The following DNAH10 variants were observed in gnomAD, a reference collection of about 807,000 sequenced individuals.
DNAH10 encodes the protein dynein axonemal heavy chain 10.
DNAH10 carries 348 observed loss-of-function variants against 506.6 expected under a neutral mutation model. The ratio of observed to expected loss-of-function variants is 0.69; its 90% CI spans 0.63 to 0.75. The LOEUF is 0.75. Ranked by LOEUF, DNAH10 falls within the 30% of genes least tolerant of loss-of-function variation. DNAH10 has a pLI of 0.00. For synonymous variants in DNAH10, 2,059 were observed against 2,198.6 expected, an observed-to-expected ratio of 0.94 and a Z score of 1.78; for missense variants, 5,179 against 5,787.1, an observed-to-expected ratio of 0.89 and a Z score of 3.41.
At position 123,907,861 on chromosome 12, in the gene DNAH10, C is replaced by T. The variant is rs1032873958; in HGVS notation, c.9816-1400C>T. 1.3e-5 allele frequency among the ~76,000 whole-genome samples: 2 copies of T among 152,322 alleles called. No homozygotes were observed. Among genetic ancestry groups the T allele is most frequent in the South Asian group, 2.1e-4 (1 of 4,828 alleles). On this transcript the variant is annotated intron_variant, in intron 57 of 78. Coordinates refer to ENST00000673944, the MANE Select transcript of DNAH10 (RefSeq NM_001372106.1). This position sits in a 1 kb window ranked among gnomAD's most constrained non-coding sequence, Gnocchi z 4.4. ...ACACCAGCGTGATCGAGCCTTTTCC[C>T]GGGGACTCAGGGCCTTTCTTTCATC...
At chr12:123,918,612 C>T in intron 64 of DNAH10, 64 bp from the exon 65 acceptor site, 1 of 1,507,626 alleles carries the variant, frequency 6.6e-7, no homozygotes, top group Non-Finnish European at 8.9e-7. Context: ...GTCCCCCTGC[C>T]CCTCCTGCCC....
intron 43 of DNAH10, among the ~76,000 whole-genome samples, chr12:123,870,094 A>G (rs535074656): frequency 2.6e-5 from 4 of 152,314 alleles, no homozygotes; most frequent in African/African-American, 9.6e-5. Flanking sequence ...GTTAGTTGAA[A>G]ATACTCAGAA....
intron 52 of DNAH10, 34 bp downstream of exon 52, chr12:123,887,347 AC>A: frequency 6.2e-7 from 1 of 1,600,534 alleles, no homozygotes; most frequent in Non-Finnish European, 8.5e-7. Context: ...TGTGGCCAAC[AC>A]CCCGCTCAGC....
At chr12:123,831,532 CAAGG>C (rs1021192923) in intron 26 of DNAH10, among the ~76,000 whole-genome samples, 2 of 152,178 alleles carry the variant, frequency 1.3e-5, no homozygotes, top group African/African-American at 4.8e-5. Context: ...GCCTGTACAG[CAAGG>C]AACTACATTG....
At chr12:123,930,244 C>A in intron 72 of DNAH10, 158 bp from the exon 73 acceptor site, 1 of 645,192 alleles carries the variant, frequency 1.5e-6, no homozygotes, top group Non-Finnish European at 2.5e-6. Context: ...ATTGTGTGAA[C>A]AGTGGCCCGA....
Position 123,903,073 on chromosome 12 carries a change from G to A in DNAH10, c.9775G>A (p.Glu3259Lys), listed in dbSNP as rs762842800. 6 of 1,611,846 alleles carry A rather than the reference G, an allele frequency of 3.7e-6. No homozygotes were observed. Among genetic ancestry groups the A allele is most frequent in the Admixed American group, 1.7e-5 (1 of 59,784 alleles). Reference sequence around the variant, plus strand: ...GCCCATCCTGGAGGCCGCCAAGCTGGAACTGCAGAAGCTGGACAAGTCGGA... The same window carrying A: ...GCCCATCCTGGAGGCCGCCAAGCTGAAACTGCAGAAGCTGGACAAGTCGGA... ...VMPILEAAKL[E>K]LQKLDKSDVT... Residue 3259 changes from glutamate (E) to lysine (K), a missense_variant, in exon 57 of 79, where the codon GAA becomes AAA. Around this residue, in one of 3 missense-constraint regions of DNAH10, gnomAD observed 4,844 missense variants for 5,430.5 expected, o/e 0.89. Coordinates refer to ENST00000673944, the MANE Select transcript of DNAH10 (RefSeq NM_001372106.1). This position sits in a 1 kb window ranked among gnomAD's most constrained non-coding sequence, Gnocchi z 4.6.
At chr12:123,780,945 A>AG (rs1957623594) in intron 5 of DNAH10, 135 bp from the exon 6 acceptor site, 2 of 587,640 alleles carry the variant, frequency 3.4e-6, no homozygotes, top group Non-Finnish European at 5.2e-6. Context: ...TCTGTCTCAA[A>AG]AAAAAAAAAA....
rs75389021 is a variant in DNAH10, at chr12:123,847,267, C to T, written c.5815-694C>T. ...CTATCTATCTATCTATCTATCTATC[C>T]ATCCATCCATCCTGTCTATTTATCA... On this transcript the variant is annotated intron_variant, in intron 32 of 78. Transcript: ENST00000673944. Among the ~76,000 whole-genome samples the T allele has an allele frequency of 7.3e-3, 785 of 107,116 alleles. 4 individuals are homozygous for T. Among genetic ancestry groups the T allele is most frequent in the African/African-American group, 0.024 (479 of 20,238 alleles). 70.3% of individuals were successfully genotyped at this position (107,116 alleles called of 152,430 possible). A position where few individuals can be genotyped will look rare whatever the true frequency, so the allele number is the denominator to read the frequency against.
chr12:123,874,467 C>G lies in DNAH10; in HGVS notation c.7938+757C>G, dbSNP rs552264915. Among the ~76,000 whole-genome samples the G allele has an allele frequency of 5.9e-5, 9 of 152,190 alleles. No homozygotes were observed. The East Asian group carries it at 1.7e-3, about 29-fold the overall frequency. On this transcript the variant is annotated intron_variant, in intron 46 of 78. Coordinates refer to ENST00000673944, the MANE Select transcript of DNAH10 (RefSeq NM_001372106.1). ...TTTGTTCATCTATCCATCTATTCTT[C>G]TTTTTGCCCATCTGTCTGTTTTTCC...
In DNAH10 at chr12:123,897,852, C is replaced by T; in HGVS notation, c.9363C>T (p.Tyr3121=). Residue 3121 remains tyrosine, a synonymous_variant, in exon 55 of 79, where the codon TAC becomes TAT. Transcript: ENST00000673944. ...VVLVHQSVDH[Y]SQQFLQKLRR... ...TGGTTCACCAATCCGTGGACCACTA[C>T]AGCCAACAGTTTCTACAGAAATTGA... 1 of 1,611,636 alleles carries T rather than the reference C, an allele frequency of 6.2e-7. No homozygotes were observed. Among genetic ancestry groups the T allele is most frequent in the Non-Finnish European group, 8.5e-7 (1 of 1,179,304 alleles).
Position 123,850,785 on chromosome 12 carries a change from A to G in DNAH10, c.6103-103A>G, listed in dbSNP as rs1367173137. ...CAAGTGGTGTTGTCAGCCTCATACC[A>G]TGAAAATGAATCGCCACGCAGCTCG... is the stretch of plus-strand genomic sequence containing the variant. On this transcript the variant is annotated intron_variant, in intron 34 of 78. Transcript: ENST00000673944. This position sits in a 1 kb window ranked among gnomAD's most constrained non-coding sequence, Gnocchi z 5.5. 3 of 1,204,644 alleles carry G rather than the reference A, an allele frequency of 2.5e-6. No individual in the cohort carries two copies. The highest frequency in any genetic ancestry group is 1.5e-5 in the African/African-American group (1 of 65,248). The allele number at this position is 1,204,644 out of a possible 1,614,324, so 74.6% of individuals were successfully genotyped here. A position where few individuals can be genotyped will look rare whatever the true frequency, so the allele number is the denominator to read the frequency against.
At chr12:123,768,435 G>A (rs1353554006) in intron 2 of DNAH10, among the ~76,000 whole-genome samples, 1 of 151,996 alleles carries the variant, frequency 6.6e-6, no homozygotes, top group East Asian at 1.9e-4. Context: ...ATACCCGGCC[G>A]TCCTCTCTCC....
chr12:123,919,077 C>A lies in DNAH10; in HGVS notation c.11506+128C>A. The A allele has an allele frequency of 8.2e-7, 1 of 1,226,548 alleles. No homozygotes were observed. The highest frequency in any genetic ancestry group is 1.1e-6 in the Non-Finnish European group (1 of 915,552). The allele number at this position is 1,226,548 out of a possible 1,614,324, so 76.0% of individuals were successfully genotyped here. A position where few individuals can be genotyped will look rare whatever the true frequency, so the allele number is the denominator to read the frequency against. On this transcript the variant is annotated intron_variant, in intron 65 of 78. Transcript: ENST00000673944. This position sits in a 1 kb window ranked among gnomAD's most constrained non-coding sequence, Gnocchi z 4.9. The stretch of plus-strand genomic sequence containing the variant: ...TTTTTTCTTTTTTCTTTCTTTCTTT[C>A]TTTTTCTTTTTTTTTTGAGATAGGG...
intron 29 of DNAH10, 30 bp from the exon 30 acceptor site, chr12:123,841,292 T>A: frequency 6.2e-7 from 1 of 1,608,136 alleles, no homozygotes; most frequent in East Asian, 2.2e-5. Context: ...TCCGTGCAGG[T>A]CTTACAGGGC....
At position 123,898,766 on chromosome 12, in the gene DNAH10, G is replaced by A. The variant is rs201175476; in HGVS notation, c.9592G>A (p.Ala3198Thr). 648 of 1,612,576 alleles carry A rather than the reference G, an allele frequency of 4.0e-4. No individual in the cohort carries two copies. The highest frequency in any genetic ancestry group is 1.5e-3 in the Admixed American group (87 of 59,850). The change falls in exon 56 of 79, where the codon GCC (alanine) becomes ACC (threonine). Residue 3198 changes from alanine (A) to threonine (T), a missense_variant. By Grantham distance (58) the Ala-to-Thr change is moderately conservative. Coordinates refer to ENST00000673944, the MANE Select transcript of DNAH10 (RefSeq NM_001372106.1). ...GAAGATCGTGCTGGCGGAGAAGTCC[G>A]CCGCCTGCGAGGCCTTGCTGGAGGA... ...EQKIVLAEKS[A>T]ACEALLEEIA... is the part of the protein sequence containing the mutation.
chr12:123,878,542 T>C (rs1012169319), intron 48 of DNAH10, among the ~76,000 whole-genome samples: 2 of 152,106 alleles, frequency 1.3e-5, no homozygotes, highest in Admixed American at 6.6e-5. Flanking sequence ...GGAGTGACGG[T>C]TCTTTGCTAG....
chr12:123,839,187 A>G (rs1303404562), intron 29 of DNAH10, among the ~76,000 whole-genome samples: 1 of 151,572 alleles, frequency 6.6e-6, no homozygotes, highest in Non-Finnish European at 1.5e-5. Flanking sequence ...CTATTTTTCC[A>G]CAGTCCAAAA....
intron 45 of DNAH10, among the ~76,000 whole-genome samples, chr12:123,872,245 G>T (rs940533117): frequency 1.3e-5 from 2 of 152,088 alleles, no homozygotes; most frequent in Non-Finnish European, 1.5e-5. Flanking sequence ...CATAGAATTC[G>T]CAGGGTGCAC....
rs772683871 is a variant in DNAH10, at chr12:123,868,134, T to TCG, written c.7519+17_7519+18dup. ...GGAACTGCCAGGTGGGAACCGAGTG[T>TCG]CGCCTGTTTCCCTGCTCTGAGTGCC... On this transcript the variant is annotated intron_variant, in intron 43 of 78. Coordinates refer to ENST00000673944, the MANE Select transcript of DNAH10 (RefSeq NM_001372106.1). 2.5e-6 allele frequency: 4 copies of TCG among 1,607,684 alleles called. No individual in the cohort carries two copies. In the African/African-American group the frequency reaches 5.4e-5, roughly 22 times the overall value.
Sources: allele counts gnomAD v4.1 joint callset (sites outside exome capture counted in the v4.1 genomes callset), GRCh38; gene constraint gnomAD v4.1.1; regional missense constraint gnomAD v4.1.1; non-coding constraint Gnocchi (gnomAD v3.1); transcripts MANE v1.5; gene names NCBI Gene and HGNC (gene_info 2026-07-23, HGNC 2026-07-21).